Variants in UCHL3 observed in about 807,000 individuals in gnomAD.
UCHL3 encodes ubiquitin carboxyl-terminal hydrolase isozyme L3.
In UCHL3, 22 loss-of-function variants were observed where a neutral mutation model predicts 35.8. The observed-to-expected ratio is 0.61, with a 90% CI of 0.44 to 0.88. The LOEUF (loss-of-function observed/expected upper bound fraction) is 0.88. Ranked by LOEUF, UCHL3 falls within the 40% of genes least tolerant of loss-of-function variation. UCHL3 has a pLI of 0.00. For missense variants in UCHL3, 229 were observed against 276.9 expected (o/e 0.83, Z 1.23); for synonymous variants, 90 against 92.8 (o/e 0.97, Z 0.17).
chr13:75,572,822 G>C (rs1219633008), intron 6 of UCHL3, among the ~76,000 whole-genome samples: 1 of 152,126 alleles, frequency 6.6e-6, no homozygotes, highest in Non-Finnish European at 1.5e-5. Flanking sequence ...TGCACTCCAG[G>C]GTGGAATATA....
intron 2 of UCHL3, among the ~76,000 whole-genome samples, 169 bp from the exon 3 acceptor site, chr13:75,560,584 C>T (rs571221306): frequency 3.3e-5 from 5 of 152,292 alleles, no homozygotes; most frequent in African/African-American, 1.2e-4. Context: ...TGCTGCTTTA[C>T]TGCATTCCTA....
chr13:75,570,780 C>T (rs1029903260), intron 6 of UCHL3, among the ~76,000 whole-genome samples: 1 of 152,100 alleles, frequency 6.6e-6, no homozygotes, highest in Non-Finnish European at 1.5e-5. Flanking sequence ...TGTGGTGGTG[C>T]ATGCACCTGT....
At chr13:75,581,416 C>A (rs1389305364) in intron 6 of UCHL3, among the ~76,000 whole-genome samples, 1 of 148,298 alleles carries the variant, frequency 6.7e-6, no homozygotes, top group Non-Finnish European at 1.5e-5. Flanking sequence ...GTGGGTCGAT[C>A]TTGGCTCCCT....
chr13:75,579,422 T>G (rs1020286580), intron 6 of UCHL3, among the ~76,000 whole-genome samples: 4 of 152,130 alleles, frequency 2.6e-5, no homozygotes, highest in East Asian at 3.9e-4. Context: ...ATTTTATTTT[T>G]AAAACCAAAA....
intron 2 of UCHL3, among the ~76,000 whole-genome samples, chr13:75,559,124 C>A (rs1420482286): frequency 6.8e-6 from 1 of 146,154 alleles, no homozygotes; most frequent in Non-Finnish European, 1.5e-5. Context: ...ACTGCAAGCT[C>A]CGCCTCCCGG....
At chr13:75,602,135 A>C (rs970641882) in intron 7 of UCHL3, among the ~76,000 whole-genome samples, 4 of 152,104 alleles carry the variant, frequency 2.6e-5, no homozygotes, top group Non-Finnish European at 5.9e-5. Flanking sequence ...AAAACAAAAC[A>C]AAAACAAAAC....
chr13:75,605,439 C>G, intron 8 of UCHL3, among the ~76,000 whole-genome samples: 1 of 152,114 alleles, frequency 6.6e-6, no homozygotes, highest in Non-Finnish European at 1.5e-5. Flanking sequence ...ACCCGGAAGG[C>G]AGAGGTTGCA....
chr13:75,601,402 C>A (rs2032778520), intron 7 of UCHL3, among the ~76,000 whole-genome samples: 1 of 152,166 alleles, frequency 6.6e-6, no homozygotes, highest in African/African-American at 2.4e-5. Flanking sequence ...TCATTATTGT[C>A]TTATTTTAGG....
chr13:75,602,170 A>G (rs981602911), intron 7 of UCHL3, among the ~76,000 whole-genome samples: 4 of 152,166 alleles, frequency 2.6e-5, no homozygotes, highest in Non-Finnish European at 5.9e-5. Flanking sequence ...TTATTTCTGT[A>G]TAGTCTCTGT....
intron 7 of UCHL3, among the ~76,000 whole-genome samples, chr13:75,599,617 G>A (rs1215250160): frequency 1.3e-5 from 2 of 152,006 alleles, no homozygotes; most frequent in African/African-American, 2.4e-5. Context: ...TACCGTAATT[G>A]TTTTGGGATG....
chr13:75,592,446 A>ATATATATATATATGTATATATG lies in UCHL3; in HGVS notation c.475-2456_475-2455insGTATATATGTATATATATATAT, dbSNP rs2032523860. On this transcript the variant is annotated intron_variant, in intron 6 of 8. Coordinates refer to ENST00000377595, the MANE Select transcript of UCHL3 (RefSeq NM_006002.5). Reference sequence around the variant, plus strand: ...TATATATATATATATATATATATATATATATATATATATATATATATGAAG... The same window carrying ATATATATATATATGTATATATG: ...TATATATATATATATATATATATATATATATATATATATGTATATATGTATATATATATATATATATATGAAG... Among the ~76,000 whole-genome samples, 130 of 71,080 alleles carry ATATATATATATATGTATATATG rather than the reference A, an allele frequency of 1.8e-3. 6 individuals carry two copies. The highest frequency in any genetic ancestry group is 5.0e-3 in the African/African-American group (122 of 24,456). The allele number at this position is 71,080 out of a possible 152,430, so 46.6% of individuals were successfully genotyped here. A position where few individuals can be genotyped will look rare whatever the true frequency, so the allele number is the denominator to read the frequency against.
At chr13:75,560,631 A>G in intron 2 of UCHL3, 122 bp from the exon 3 acceptor site, 2 of 905,288 alleles carry the variant, frequency 2.2e-6, no homozygotes, top group Non-Finnish European at 3.2e-6. Context: ...ATCCCTTTAT[A>G]GGTATTAGAT....
At chr13:75,550,586 G>C (rs1278450384) in intron 2 of UCHL3, among the ~76,000 whole-genome samples, 1 of 152,084 alleles carries the variant, frequency 6.6e-6, no homozygotes, top group Non-Finnish European at 1.5e-5. Flanking sequence ...GCAATCTATA[G>C]CAATTTAAGT....
At chr13:75,576,802 C>T (rs11617067) in intron 6 of UCHL3, among the ~76,000 whole-genome samples, 18,025 of 152,220 alleles carry the variant, frequency 0.12, 1,414 homozygotes, top group Middle Eastern at 0.29. Flanking sequence ...AAATGAAATA[C>T]GGTTGAATGT....
At chr13:75,569,597 C>A in intron 6 of UCHL3, 90 bp downstream of exon 6, 2 of 1,234,272 alleles carry the variant, frequency 1.6e-6, no homozygotes, top group Non-Finnish European at 2.2e-6. Context: ...TATTGTAGGA[C>A]ATAAAGTTTT....
chr13:75,591,115 C>T (rs2032467697), intron 6 of UCHL3, among the ~76,000 whole-genome samples: 1 of 152,162 alleles, frequency 6.6e-6, no homozygotes, highest in Non-Finnish European at 1.5e-5. Context: ...ATTACACGTA[C>T]ATTTAATGCT....
At chr13:75,557,106 C>T (rs990737309) in intron 2 of UCHL3, among the ~76,000 whole-genome samples, 1 of 151,884 alleles carries the variant, frequency 6.6e-6, no homozygotes, top group African/African-American at 2.4e-5. Context: ...TCTCAGCTAT[C>T]TGGGAGGCTG....
In UCHL3 at chr13:75,604,758, GT is replaced by G; in HGVS notation, c.551-7del. 1 of 1,593,192 alleles carries G rather than the reference GT, an allele frequency of 6.3e-7. No individual in the cohort carries two copies. Among genetic ancestry groups the G allele is most frequent in the Non-Finnish European group, 8.5e-7 (1 of 1,170,344 alleles). ...CAGCTAAGCATTCAATTGTTTGTCT[GT>G]TTTCCACAGATGGGCGGAAGCCATT... On this transcript the variant is annotated splice_polypyrimidine_tract_variant and intron_variant, in intron 7 of 8. Coordinates refer to ENST00000377595, the MANE Select transcript of UCHL3 (RefSeq NM_006002.5).
intron 8 of UCHL3, among the ~76,000 whole-genome samples, chr13:75,605,425 T>C (rs1229986004): frequency 6.6e-6 from 1 of 152,130 alleles, no homozygotes; most frequent in Admixed American, 6.6e-5. Context: ...GGAGATTTGC[T>C]TGAACCCGGA....
Sources: allele counts gnomAD v4.1 joint callset (sites outside exome capture counted in the v4.1 genomes callset), GRCh38; gene constraint gnomAD v4.1.1; transcripts MANE v1.5; gene names NCBI Gene and HGNC (gene_info 2026-07-23, HGNC 2026-07-21).